Variants in CMSS1 observed in about 807,000 individuals in gnomAD.
The protein encoded by CMSS1 is cms1 ribosomal small subunit homolog.
In CMSS1, 33 loss-of-function variants were observed where a neutral mutation model predicts 43.5. The ratio of observed to expected loss-of-function variants is 0.76; its 90% CI spans 0.57 to 1.01. The LOEUF (loss-of-function observed/expected upper bound fraction) is 1.01. Among genes scored for constraint, CMSS1 ranks in the 50% least tolerant of loss-of-function variants. CMSS1 has a pLI of 0.00. For missense variants in CMSS1, 313 were observed against 326.4 expected (o/e 0.96, Z 0.32); for synonymous variants, 115 against 117.2 (o/e 0.98, Z 0.12).
chr3:100,009,248 A>G (rs1270610861), intron 1 of CMSS1, among the ~76,000 whole-genome samples: 3 of 152,224 alleles, frequency 2.0e-5, no homozygotes, highest in African/African-American at 7.2e-5. Flanking sequence ...TATCAAGAAT[A>G]TAAGATCTAT....
At chr3:99,909,899 T>G (rs1358285342) in intron 1 of CMSS1, among the ~76,000 whole-genome samples, 1 of 152,188 alleles carries the variant, frequency 6.6e-6, no homozygotes, top group East Asian at 1.9e-4. Flanking sequence ...GAACCCTTCA[T>G]ATTCAGAGTT....
intron 1 of CMSS1, among the ~76,000 whole-genome samples, chr3:100,004,414 G>T (rs145366415): frequency 8.9e-4 from 136 of 152,260 alleles, no homozygotes; most frequent in African/African-American, 3.1e-3. Flanking sequence ...GTTCATAAGA[G>T]AACTGTGTTA....
intron 1 of CMSS1, among the ~76,000 whole-genome samples, chr3:100,113,334 G>A (rs1191408737): frequency 6.6e-6 from 1 of 152,188 alleles, no homozygotes; most frequent in African/African-American, 2.4e-5. Flanking sequence ...CAGCAGCCTA[G>A]CATCATTTCC....
At chr3:99,973,137 C>T (rs1708871644) in intron 1 of CMSS1, among the ~76,000 whole-genome samples, 1 of 152,112 alleles carries the variant, frequency 6.6e-6, no homozygotes, top group Non-Finnish European at 1.5e-5. Context: ...TAATAAAAGC[C>T]AAGGTTTAGA....
intron 1 of CMSS1, among the ~76,000 whole-genome samples, chr3:99,918,308 G>A (rs1559687510): frequency 1.3e-5 from 2 of 152,110 alleles, no homozygotes; most frequent in Admixed American, 1.3e-4. Flanking sequence ...CTAAAGATTT[G>A]AGGAATGGAA....
intron 1 of CMSS1, among the ~76,000 whole-genome samples, chr3:99,959,790 G>A (rs1708440161): frequency 6.6e-6 from 1 of 152,174 alleles, no homozygotes; most frequent in East Asian, 1.9e-4. Flanking sequence ...AACAATTAAA[G>A]GAAGGGATTG....
At chr3:100,160,672 T>TAA (rs1173839238) in intron 3 of CMSS1, among the ~76,000 whole-genome samples, 171 bp downstream of exon 3, 8 of 152,340 alleles carry the variant, frequency 5.3e-5, no homozygotes, top group Non-Finnish European at 1.0e-4. Context: ...TAAGTGTTTC[T>TAA]GTTGGAGCTA....
chr3:100,036,366 A>C (rs2065108249), intron 1 of CMSS1, among the ~76,000 whole-genome samples: 1 of 152,190 alleles, frequency 6.6e-6, no homozygotes, highest in Non-Finnish European at 1.5e-5. Context: ...AGGAAGTCTC[A>C]AAAAATGATG....
chr3:99,962,435 T>G (rs1349923788), intron 1 of CMSS1, among the ~76,000 whole-genome samples: 1 of 152,164 alleles, frequency 6.6e-6, no homozygotes, highest in Non-Finnish European at 1.5e-5. Context: ...ATTTTGTATA[T>G]TATCTTTTGT....
chr3:99,842,236 G>A (rs1452498651), intron 1 of CMSS1, among the ~76,000 whole-genome samples: 3 of 152,170 alleles, frequency 2.0e-5, no homozygotes, highest in Non-Finnish European at 4.4e-5. Context: ...CTCAGGAATG[G>A]AAAACCAAAC....
intron 1 of CMSS1, among the ~76,000 whole-genome samples, chr3:99,913,391 A>G (rs565594651): frequency 6.6e-6 from 1 of 152,334 alleles, no homozygotes; most frequent in Admixed American, 6.5e-5. Context: ...AAGTTATCGT[A>G]GTGGATATGA....
chr3:99,915,176 C>A (rs1392395306), intron 1 of CMSS1, among the ~76,000 whole-genome samples: 1 of 152,126 alleles, frequency 6.6e-6, no homozygotes, highest in African/African-American at 2.4e-5. Flanking sequence ...ATATCCCATT[C>A]TCCCATGACC....
chr3:99,876,041 T>A (rs2107594432), intron 1 of CMSS1: 1 of 985,578 alleles, frequency 1.0e-6, no homozygotes, highest in Non-Finnish European at 1.2e-6. Context: ...CAGTGCCCCT[T>A]GGTGGAGCGA....
chr3:100,166,232 AT>A (rs2067064598), intron 4 of CMSS1, 102 bp from the exon 5 acceptor site: 1 of 728,712 alleles, frequency 1.4e-6, no homozygotes. Context: ...CAATTCACTA[AT>A]ATTTTACAAC....
At chr3:100,009,150 G>T (rs753854235) in intron 1 of CMSS1, among the ~76,000 whole-genome samples, 15 of 152,142 alleles carry the variant, frequency 9.9e-5, no homozygotes, top group Admixed American at 6.6e-5. Flanking sequence ...GAGTGCAAGT[G>T]ACTGAACTTA....
chr3:99,832,616 G>A (rs953236061), intron 1 of CMSS1, among the ~76,000 whole-genome samples: 1 of 146,592 alleles, frequency 6.8e-6, no homozygotes, highest in Admixed American at 6.7e-5. Flanking sequence ...GCTGAGGCGG[G>A]CGGATCACTT....
intron 1 of CMSS1, among the ~76,000 whole-genome samples, chr3:100,119,693 C>A (rs1009224372): frequency 6.6e-6 from 1 of 152,154 alleles, no homozygotes; most frequent in African/African-American, 2.4e-5. Flanking sequence ...TCTCACTGAG[C>A]TAGAGGGTAA....
At chr3:99,956,050 C>A (rs555548193) in intron 1 of CMSS1, among the ~76,000 whole-genome samples, 1 of 152,310 alleles carries the variant, frequency 6.6e-6, no homozygotes, top group East Asian at 1.9e-4. Context: ...TGTTCATTGA[C>A]TGACACGTTT....
At chr3:100,026,057 C>G (rs910697646) in intron 1 of CMSS1, among the ~76,000 whole-genome samples, 1 of 152,106 alleles carries the variant, frequency 6.6e-6, no homozygotes, top group Admixed American at 6.6e-5. Context: ...TTAATGAAAT[C>G]AGAATATGTG....
Sources: allele counts gnomAD v4.1 joint callset (sites outside exome capture counted in the v4.1 genomes callset), GRCh38; gene constraint gnomAD v4.1.1; transcripts MANE v1.5; gene names NCBI Gene and HGNC (gene_info 2026-07-23, HGNC 2026-07-21).